The following CAST variants were observed in gnomAD, a reference collection of about 807,000 sequenced individuals.
The protein encoded by CAST is MIR583 host.
In CAST, 76 loss-of-function variants were observed where a neutral mutation model predicts 119.6. That is an observed-to-expected ratio of 0.64 (90% confidence interval 0.53 to 0.77). The LOEUF (loss-of-function observed/expected upper bound fraction) is 0.77, where lower values mean the gene tolerates loss of function less well. Ranked by LOEUF, CAST falls within the 30% of genes least tolerant of loss-of-function variation. The probability of loss-of-function intolerance (pLI) is 0.00; values close to 1 mark genes in which losing one functional copy is unlikely to be tolerated. For synonymous variants in CAST, 319 were observed against 331.6 expected, an observed-to-expected ratio of 0.96 and a Z score of 0.41; for missense variants, 953 against 946.5, an observed-to-expected ratio of 1.01 and a Z score of -0.09.
At chr5:96,065,123 G>A in the CAST span, among the ~76,000 whole-genome samples, 1 of 151,994 alleles carries the variant, frequency 6.6e-6, no homozygotes, top group Non-Finnish European at 1.5e-5. Context: ...CAAAAGGTTA[G>A]GGTTTAGTGA....
chr5:96,185,424 A>G, the CAST span, among the ~76,000 whole-genome samples: 1 of 152,164 alleles, frequency 6.6e-6, no homozygotes, highest in Non-Finnish European at 1.5e-5. Flanking sequence ...ATCTTTGCCC[A>G]TGCCTATGTC....
chr5:96,394,789 T>C, the CAST span: 418 of 1,365,664 alleles, frequency 3.1e-4, 1 homozygote, highest in Non-Finnish European at 4.1e-4. Flanking sequence ...TGCTTGGAAG[T>C]TGGGTACAGC....
At chr5:96,041,924 C>T in the CAST span, among the ~76,000 whole-genome samples, 1 of 152,158 alleles carries the variant, frequency 6.6e-6, no homozygotes, top group Non-Finnish European at 1.5e-5. Flanking sequence ...ACTCCTCTCT[C>T]TCACCGCAAT....
At chr5:96,511,616 T>C in the CAST span, among the ~76,000 whole-genome samples, 2 of 152,228 alleles carry the variant, frequency 1.3e-5, no homozygotes, top group Admixed American at 1.3e-4. Flanking sequence ...GGGGAAAGTC[T>C]TGGAGAATCA....
intron 29 of CAST, 56 bp downstream of exon 29, chr5:96,768,055 T>G: frequency 1.8e-6 from 2 of 1,085,480 alleles, no homozygotes; most frequent in South Asian, 2.5e-5. Context: ...TATGTGTACA[T>G]ACATATAAGT....
the CAST span, among the ~76,000 whole-genome samples, chr5:95,969,096 C>T: frequency 2.6e-5 from 4 of 152,222 alleles, no homozygotes; most frequent in African/African-American, 4.8e-5. Flanking sequence ...AGCTATCATA[C>T]GGTGTTTTGG....
chr5:96,063,534 C>T, the CAST span, among the ~76,000 whole-genome samples: 1 of 152,138 alleles, frequency 6.6e-6, no homozygotes. Flanking sequence ...TGAAAATATT[C>T]ATCTCAGAGT....
chr5:96,551,272 T>A (rs893458685), intron 1 of CAST, among the ~76,000 whole-genome samples: 13 of 152,132 alleles, frequency 8.5e-5, no homozygotes, highest in Non-Finnish European at 1.5e-4. Context: ...TCAACATTCT[T>A]AAAGAAAAGA....
At chr5:96,562,179 CTT>C (rs1487294864) in intron 1 of CAST, among the ~76,000 whole-genome samples, 1 of 138,344 alleles carries the variant, frequency 7.2e-6, no homozygotes, top group African/African-American at 2.5e-5. Flanking sequence ...GTTAATAAAA[CTT>C]TTCATGCACA....
the CAST span, among the ~76,000 whole-genome samples, chr5:96,331,148 G>A: frequency 1.3e-5 from 2 of 152,190 alleles, no homozygotes; most frequent in African/African-American, 4.8e-5. Context: ...TGGACTACAG[G>A]TTAAGAAACC....
chr5:96,042,917 GT>G, the CAST span, among the ~76,000 whole-genome samples: 1 of 152,110 alleles, frequency 6.6e-6, no homozygotes, highest in African/African-American at 2.4e-5. Flanking sequence ...ATTTTATACT[GT>G]GTGAAGATGA....
chr5:96,445,123 T>A, the CAST span, among the ~76,000 whole-genome samples: 2 of 152,226 alleles, frequency 1.3e-5, no homozygotes, highest in Non-Finnish European at 2.9e-5. Context: ...CTGCACTCAC[T>A]GTGCCTCACT....
At chr5:96,000,982 C>A in the CAST span, among the ~76,000 whole-genome samples, 185 of 152,152 alleles carry the variant, frequency 1.2e-3, no homozygotes, top group African/African-American at 4.4e-3. Context: ...GCTAAAAATT[C>A]TGGGTTAGTG....
At chr5:96,178,525 A>G in the CAST span, among the ~76,000 whole-genome samples, 1 of 152,204 alleles carries the variant, frequency 6.6e-6, no homozygotes, top group African/African-American at 2.4e-5. Flanking sequence ...AGAAGAAAAA[A>G]AAAGAAGCCT....
chr5:96,742,703 AC>A lies in CAST; in HGVS notation c.1150del (p.Arg384GlyfsTer25), dbSNP rs775442128. 1 of 1,613,966 alleles carries A rather than the reference AC, an allele frequency of 6.2e-7. No individual in the cohort carries two copies. Among genetic ancestry groups the A allele is most frequent in the Non-Finnish European group, 8.5e-7 (1 of 1,179,980 alleles). The stretch of plus-strand genomic sequence containing the variant: ...CGAGGCTCTGTCGGCTTCACTGGGC[AC>A]CCGGCAAGCAGAACCTGAGCTCGAC... ...ALEALSASLG[T>X]RQAEPELDLR... is the part of the protein sequence containing the mutation. On this transcript the variant is annotated frameshift_variant, in exon 16 of 32. Transcript: ENST00000675179. LOFTEE classifies it high-confidence loss of function.
intron 1 of CAST, among the ~76,000 whole-genome samples, chr5:96,595,873 G>T (rs186193234): frequency 2.0e-5 from 3 of 152,270 alleles, no homozygotes; most frequent in Admixed American, 2.0e-4. Flanking sequence ...ACTATGAGAA[G>T]TCAAAGTGAG....
chr5:96,384,074 G>T, the CAST span, among the ~76,000 whole-genome samples: 76 of 152,254 alleles, frequency 5.0e-4, no homozygotes, highest in Non-Finnish European at 9.3e-4. Context: ...TGACTGTCCA[G>T]GTCCTAGGCA....
chr5:96,738,042 C>A, intron 11 of CAST, 95 bp downstream of exon 11: 1 of 712,952 alleles, frequency 1.4e-6, no homozygotes, highest in Non-Finnish European at 2.4e-6. Context: ...CCTAGTGAGG[C>A]CAGGCGCAGT....
the CAST span, among the ~76,000 whole-genome samples, chr5:96,106,350 G>T: frequency 3.3e-5 from 5 of 152,054 alleles, no homozygotes; most frequent in Admixed American, 1.3e-4. Flanking sequence ...GCTTTCTCTT[G>T]TGGGCATTTA....
Sources: allele counts gnomAD v4.1 joint callset (sites outside exome capture counted in the v4.1 genomes callset), GRCh38; gene constraint gnomAD v4.1.1; transcripts MANE v1.5; gene names NCBI Gene and HGNC (gene_info 2026-07-23, HGNC 2026-07-21).